ZNF416: variants seen among roughly 807,000 people sequenced by gnomAD.
ZNF416 encodes zinc finger protein 416.
A neutral mutation model predicts 10.9 loss-of-function variants in ZNF416; 5 were observed. That is an observed-to-expected ratio of 0.46 (90% CI 0.24 to 0.97). ZNF416 has a LOEUF of 0.97. ZNF416 is among the 50% of genes least tolerant of loss of function. ZNF416 has a pLI of 0.19. For synonymous variants in ZNF416, 267 were observed against 251.8 expected, an observed-to-expected ratio of 1.06 and a Z score of -0.57; for missense variants, 675 against 715.0, an observed-to-expected ratio of 0.94 and a Z score of 0.64.
In ZNF416 at chr19:57,572,180, T is replaced by C. The variant is rs1327680745; in HGVS notation, c.1724A>G (p.Glu575Gly). ...ACATTTGCTGCTGTCACGAGGCCTC[T>C]CCACAGTGTGAGATTTTCGGTGGAG... ...LILHRKSHTV[E>G]RPRDSSKCGK... The change falls in exon 4 of 4, where the codon GAG becomes GGG. Residue 575 changes from glutamate to glycine, a missense_variant. By Grantham distance (98) the Glu-to-Gly change is moderately conservative. Coordinates refer to ENST00000196489, the MANE Select transcript of ZNF416 (RefSeq NM_017879.3). This position sits in a 1 kb window ranked among gnomAD's most constrained non-coding sequence, Gnocchi z 4.5. 1.2e-6 allele frequency: 2 copies of C among 1,614,082 alleles called. No individual in the cohort carries two copies. Among genetic ancestry groups the C allele is most frequent in the African/African-American group, 2.7e-5 (2 of 74,942 alleles).
chr19:57,573,100 C>G lies in ZNF416; in HGVS notation c.804G>C (p.Arg268Ser). The change falls in exon 4 of 4, where the codon AGG becomes AGC. Residue 268 changes from arginine (R) to serine (S), a missense_variant. Physicochemically the swap from Arg to Ser is moderately radical, Grantham distance 110. Transcript: ENST00000196489. ...TCCCACATTCACTGCACTCATAAGGCCTTTCTCCAGGGTGGACTCTTTGCA... is the reference window on the plus strand; with the variant it reads ...TCCCACATTCACTGCACTCATAAGGGCTTTCTCCAGGGTGGACTCTTTGCA... Reference protein sequence around the residue: ...VQLQRVHPGERPYECSECGKS... With the variant: ...VQLQRVHPGESPYECSECGKS... The G allele has an allele frequency of 6.2e-7, 1 of 1,614,242 alleles. No individual in the cohort carries two copies. Among genetic ancestry groups the G allele is most frequent in the Non-Finnish European group, 8.5e-7 (1 of 1,180,046 alleles).
intron 1 of ZNF416, 59 bp downstream of exon 1, chr19:57,578,613 G>A (rs1978637983): frequency 1.4e-6 from 2 of 1,478,062 alleles, no homozygotes; most frequent in Non-Finnish European, 1.8e-6. Context: ...CGCCCCTCAT[G>A]CAGGGTGTTG....
In ZNF416 at chr19:57,571,791, T is replaced by G. The variant is rs1309260447; in HGVS notation, c.*328A>C. 1 of 251,442 alleles carries G rather than the reference T, an allele frequency of 4.0e-6. No homozygotes were observed. The highest frequency in any genetic ancestry group is 7.7e-6 in the Non-Finnish European group (1 of 129,756). The allele number at this position is 251,442 out of a possible 1,614,324, so 15.6% of individuals were successfully genotyped here. On this transcript the variant is annotated 3_prime_UTR_variant, in exon 4 of 4. Transcript: ENST00000196489. ...GTAATCAGTCAGAAAAGGGAAGGAA[T>G]TCCCCTTAAAGGCTCAGACTGCTCA...
At chr19:57,576,053 A>G in intron 2 of ZNF416, 123 bp from the exon 3 acceptor site, 5 of 1,268,798 alleles carry the variant, frequency 3.9e-6, no homozygotes, top group Non-Finnish European at 5.5e-6. Flanking sequence ...AGGAGATACC[A>G]AGACCTGGTG....
intron 2 of ZNF416, among the ~76,000 whole-genome samples, chr19:57,576,394 C>T (rs1405823022): frequency 1.3e-5 from 2 of 152,136 alleles, no homozygotes; most frequent in Non-Finnish European, 2.9e-5. Context: ...TTGCCCCACA[C>T]CATAGGCATC....
chr19:57,571,988 T>G lies in ZNF416; in HGVS notation c.*131A>C, dbSNP rs1472381366. 2 of 1,200,878 alleles carry G rather than the reference T, an allele frequency of 1.7e-6. No individual in the cohort carries two copies. The highest frequency in any genetic ancestry group is 2.3e-6 in the Non-Finnish European group (2 of 853,806). 74.4% of individuals were successfully genotyped at this position (1,200,878 alleles called of 1,614,324 possible). On this transcript the variant is annotated 3_prime_UTR_variant, in exon 4 of 4. Transcript: ENST00000196489. ...AATGGGAGTCTGACCCATCGGGAGG[T>G]CTAGAAGTATGAGGTTTAACTTTAG...
At position 57,575,484 on chromosome 19, in the gene ZNF416, A is replaced by G. The variant is rs1451118640; in HGVS notation, c.202+320T>C. On this transcript the variant is annotated intron_variant, in intron 3 of 3. Transcript: ENST00000196489. The surrounding 1 kb of genome is among the most constrained non-coding windows in gnomAD (Gnocchi z 4.4). ...GCAAATTCCTAACACAGGTAGTCAA[A>G]GGAAATGTCATCTAGGAGGCAGAAT... Among the ~76,000 whole-genome samples the G allele has an allele frequency of 6.6e-6, 1 of 152,220 alleles. No individual in the cohort carries two copies. The highest frequency in any genetic ancestry group is 2.4e-5 in the African/African-American group (1 of 41,456).
intron 2 of ZNF416, among the ~76,000 whole-genome samples, chr19:57,577,725 T>A (rs1978595157): frequency 6.6e-6 from 1 of 152,204 alleles, no homozygotes; most frequent in African/African-American, 2.4e-5. Flanking sequence ...CTGACAGCCA[T>A]TTTTTGTCTG....
In ZNF416 at chr19:57,578,206, G is replaced by A; in HGVS notation, c.34-108C>T. The A allele has an allele frequency of 6.3e-6, 7 of 1,106,632 alleles. No individual in the cohort carries two copies. The South Asian group carries it at 6.4e-5, about 10-fold the overall frequency. 68.6% of individuals were successfully genotyped at this position (1,106,632 alleles called of 1,614,324 possible). A position where few individuals can be genotyped will look rare whatever the true frequency, so the allele number is the denominator to read the frequency against. Reference sequence around the variant, plus strand: ...CCCTGGAGCCAGGTGACTTGGTGATGACTAAATTATTATTGCTCCTCAGTT... The same window carrying A: ...CCCTGGAGCCAGGTGACTTGGTGATAACTAAATTATTATTGCTCCTCAGTT... On this transcript the variant is annotated intron_variant, in intron 1 of 3. Transcript: ENST00000196489.
At chr19:57,576,004 C>T (rs1978522980) in intron 2 of ZNF416, 74 bp from the exon 3 acceptor site, 11 of 1,556,436 alleles carry the variant, frequency 7.1e-6, no homozygotes, top group Non-Finnish European at 9.6e-6. Flanking sequence ...CCCCACACAT[C>T]CTTTCCCTGC....
Position 57,575,833 on chromosome 19 carries a change from A to G in ZNF416, c.173T>C (p.Leu58Pro). The G allele has an allele frequency of 6.2e-7, 1 of 1,614,148 alleles. No homozygotes were observed. The highest frequency in any genetic ancestry group is 8.5e-7 in the Non-Finnish European group (1 of 1,180,020). Residue 58 changes from leucine to proline, a missense_variant, in exon 3 of 4, where the codon CTG becomes CCG. Transcript: ENST00000196489. The surrounding 1 kb of genome is among the most constrained non-coding windows in gnomAD (Gnocchi z 4.4). ...CGCAGTTATAAGTGCAAAGTTCTCC[A>G]GCATCACATCGCGGTACAGGAGCCT... ...AQRLLYRDVM[L>P]ENFALITALV...
rs1398362389 is a variant in ZNF416, at chr19:57,573,004, A to T, written c.900T>A (p.Cys300Ter). 2 of 1,614,166 alleles carry T rather than the reference A, an allele frequency of 1.2e-6. No homozygotes were observed. The highest frequency in any genetic ancestry group is 3.3e-5 in the Admixed American group (2 of 60,028). Residue 300 changes from cysteine to a stop codon, truncating the protein, a stop_gained, in exon 4 of 4, where the codon TGT becomes TGA. Coordinates refer to ENST00000196489, the MANE Select transcript of ZNF416 (RefSeq NM_017879.3). LOFTEE classifies it low-confidence loss of function (END_TRUNC). ...RIHTGERPYV[C>*]GQCGKSFSQR... ...GGCTAAATGATTTCCCACACTGACC[A>T]CACACATAAGGCCTTTCTCCAGTGT...
chr19:57,576,867 A>G (rs1978555042), intron 2 of ZNF416, among the ~76,000 whole-genome samples: 1 of 152,002 alleles, frequency 6.6e-6, no homozygotes, highest in African/African-American at 2.4e-5. Context: ...TGTCTCAATT[A>G]CTTCCAAGCA....
At position 57,572,444 on chromosome 19, in the gene ZNF416, GT is replaced by G; in HGVS notation, c.1459del (p.Thr487LeufsTer33). 3.1e-6 allele frequency: 5 copies of G among 1,612,028 alleles called. No homozygotes were observed. Among genetic ancestry groups the G allele is most frequent in the Non-Finnish European group, 4.2e-6 (5 of 1,179,330 alleles). On this transcript the variant is annotated frameshift_variant, in exon 4 of 4. Coordinates refer to ENST00000196489, the MANE Select transcript of ZNF416 (RefSeq NM_017879.3). LOFTEE classifies it low-confidence loss of function (END_TRUNC). This position sits in a 1 kb window ranked among gnomAD's most constrained non-coding sequence, Gnocchi z 4.5. ...CTCAAAAGGCCTTTCTCCAGTGTGA[GT>G]TCTCTGGTGCCTAACAAGTTTAGAT... ...FKSKLVRHQR[T>X]HTGERPFECS...
chr19:57,575,681 C>T lies in ZNF416; in HGVS notation c.202+123G>A, dbSNP rs1165040649. The T allele has an allele frequency of 8.3e-6, 11 of 1,332,924 alleles. No homozygotes were observed. Among genetic ancestry groups the T allele is most frequent in the Non-Finnish European group, 1.2e-5 (11 of 932,142 alleles). The allele number at this position is 1,332,924 out of a possible 1,614,324, so 82.6% of individuals were successfully genotyped here. On this transcript the variant is annotated intron_variant, in intron 3 of 3. Transcript: ENST00000196489. This position sits in a 1 kb window ranked among gnomAD's most constrained non-coding sequence, Gnocchi z 4.4. Reference sequence around the variant, plus strand: ...AGGAGTGCAATGATTTCATTCCTTACACCACAGCACATACGCCAAGACAGT... The same window carrying T: ...AGGAGTGCAATGATTTCATTCCTTATACCACAGCACATACGCCAAGACAGT...
Position 57,572,116 on chromosome 19 carries a change from G to A in ZNF416, c.*3C>T. 1 of 1,606,094 alleles carries A rather than the reference G, an allele frequency of 6.2e-7. No homozygotes were observed. The highest frequency in any genetic ancestry group is 1.7e-5 in the Admixed American group (1 of 59,750). On this transcript the variant is annotated 3_prime_UTR_variant, in exon 4 of 4. Coordinates refer to ENST00000196489, the MANE Select transcript of ZNF416 (RefSeq NM_017879.3). The surrounding 1 kb of genome is among the most constrained non-coding windows in gnomAD (Gnocchi z 4.5). Reference sequence around the variant, plus strand: ...GCTTTTCTCAGGTTTGGAGTTTCAAGAGTTAAACAATGTTAGATCTTGGGC... The same window carrying A: ...GCTTTTCTCAGGTTTGGAGTTTCAAAAGTTAAACAATGTTAGATCTTGGGC...
At position 57,578,805 on chromosome 19, in the gene ZNF416, C is replaced by G; in HGVS notation, c.-101G>C. 1 of 1,219,148 alleles carries G rather than the reference C, an allele frequency of 8.2e-7. No individual in the cohort carries two copies. The highest frequency in any genetic ancestry group is 3.7e-5 in the Admixed American group (1 of 27,156). 75.5% of individuals were successfully genotyped at this position (1,219,148 alleles called of 1,614,324 possible). A position where few individuals can be genotyped will look rare whatever the true frequency, so the allele number is the denominator to read the frequency against. On this transcript the variant is annotated 5_prime_UTR_variant, in exon 1 of 4. Transcript: ENST00000196489. ...CAGCGACCCACCGGCTGATGCGCAGCGGGGCGACCCCCGCTCTGTGCCGGA... is the reference window on the plus strand; with the variant it reads ...CAGCGACCCACCGGCTGATGCGCAGGGGGGCGACCCCCGCTCTGTGCCGGA...
In ZNF416 at chr19:57,572,272, G is replaced by A. The variant is rs764627868; in HGVS notation, c.1632C>T (p.His544=). ...KSSLIQHQVV[H]TGERPYECGK... is the part of the protein sequence containing the mutation. The stretch of plus-strand genomic sequence containing the variant: ...CACACTCATATGGCCTTTCTCCTGT[G>A]TGAACCACTTGGTGTTGAATGAGGC... Residue 544 remains histidine (H), a synonymous_variant, in exon 4 of 4, where the codon CAC becomes CAT. Coordinates refer to ENST00000196489, the MANE Select transcript of ZNF416 (RefSeq NM_017879.3). The surrounding 1 kb of genome is among the most constrained non-coding windows in gnomAD (Gnocchi z 4.5). The A allele has an allele frequency of 1.9e-6, 3 of 1,614,226 alleles. No individual in the cohort carries two copies. Among genetic ancestry groups the A allele is most frequent in the Non-Finnish European group, 2.5e-6 (3 of 1,180,046 alleles).
In ZNF416 at chr19:57,572,282, T is replaced by TG; in HGVS notation, c.1621dup (p.Gln541ProfsTer11). 6.2e-7 allele frequency: 1 copy of TG among 1,614,138 alleles called. No individual in the cohort carries two copies. The highest frequency in any genetic ancestry group is 8.5e-7 in the Non-Finnish European group (1 of 1,180,024). ...TGGCCTTTCTCCTGTGTGAACCACT[T>TG]GGTGTTGAATGAGGCTAGACTTTTG... is the stretch of plus-strand genomic sequence containing the variant. On this transcript the variant is annotated frameshift_variant, in exon 4 of 4. Transcript: ENST00000196489. LOFTEE classifies it low-confidence loss of function (END_TRUNC). The surrounding 1 kb of genome is among the most constrained non-coding windows in gnomAD (Gnocchi z 4.5).
Sources: gnomAD v4.1 joint callset for allele counts (sites outside exome capture counted in the v4.1 genomes callset) on GRCh38, gnomAD v4.1.1 for gene constraint, Gnocchi (gnomAD v3.1) non-coding constraint, MANE v1.5 for transcripts, NCBI Gene and HGNC (gene_info 2026-07-23, HGNC 2026-07-21) for gene names.